USP4: variants seen among roughly 807,000 people sequenced by gnomAD.
The protein encoded by USP4 is ubiquitin carboxyl-terminal hydrolase 4.
USP4 carries 72 observed loss-of-function variants against 118.2 expected under a neutral mutation model. The ratio of observed to expected loss-of-function variants is 0.61; its 90% CI spans 0.50 to 0.74. The LOEUF is 0.74. USP4 is among the 30% of genes least tolerant of loss of function. The pLI, the probability that USP4 is intolerant of heterozygous loss-of-function variation, is 0.00. For synonymous variants in USP4, 415 were observed against 440.4 expected, an observed-to-expected ratio of 0.94 and a Z score of 0.72; for missense variants, 1,037 against 1,185.7, an observed-to-expected ratio of 0.87 and a Z score of 1.84.
Position 49,323,629 on chromosome 3 carries a change from TC to T in USP4, c.695+1072del, listed in dbSNP as rs570771815. Among the ~76,000 whole-genome samples, 615 of 152,270 alleles carry T rather than the reference TC, an allele frequency of 4.0e-3. 5 individuals are homozygous for T. Among genetic ancestry groups the T allele is most frequent in the Middle Eastern group, 0.01 (3 of 294 alleles). On this transcript the variant is annotated intron_variant, in intron 6 of 21. Coordinates refer to ENST00000265560, the MANE Select transcript of USP4 (RefSeq NM_003363.4). ...TTAAACTGGAGTCCATGACTGGACT[TC>T]AGGGGTTCTAACAGTTCTTCTCTTA...
intron 15 of USP4, among the ~76,000 whole-genome samples, chr3:49,290,257 A>C (rs1205963799): frequency 6.6e-6 from 1 of 152,152 alleles, no homozygotes; most frequent in Non-Finnish European, 1.5e-5. Flanking sequence ...TCTACTAAAA[A>C]TACAAAACTA....
chr3:49,286,218 G>C lies in USP4; in HGVS notation c.2080C>G (p.Gln694Glu). ...EPGNDPSETT[Q>E]KKIKGQPCPK... ...CAGGGCTGGCCTTTGATCTTCTTTT[G>C]GGTGGTCTCACTGGGGTCATTTCCT... The change falls in exon 16 of 22, where the codon CAA becomes GAA. Residue 694 changes from glutamine (Q) to glutamate (E), a missense_variant. Transcript: ENST00000265560. 6.2e-7 allele frequency: 1 copy of C among 1,614,062 alleles called. No homozygotes were observed. Among genetic ancestry groups the C allele is most frequent in the Non-Finnish European group, 8.5e-7 (1 of 1,180,028 alleles).
At chr3:49,287,347 G>A (rs2047106374) in intron 15 of USP4, among the ~76,000 whole-genome samples, 1 of 151,858 alleles carries the variant, frequency 6.6e-6, no homozygotes, top group South Asian at 2.1e-4. Context: ...GTAGAGACAA[G>A]GGTTCACCAT....
chr3:49,308,964 G>A (rs1468435335), intron 8 of USP4, among the ~76,000 whole-genome samples: 2 of 151,024 alleles, frequency 1.3e-5, no homozygotes, highest in South Asian at 2.1e-4. Context: ...CCCAGGAGGT[G>A]GAGGTTGCAG....
At chr3:49,307,926 C>T (rs1319374514) in intron 8 of USP4, among the ~76,000 whole-genome samples, 2 of 151,966 alleles carry the variant, frequency 1.3e-5, no homozygotes, top group Non-Finnish European at 2.9e-5. Context: ...TCACTTGAGC[C>T]CAGGAGTTCA....
In USP4 at chr3:49,300,519, C is replaced by T. The variant is rs1343246834; in HGVS notation, c.1460G>A (p.Arg487Gln). 8.7e-6 allele frequency: 14 copies of T among 1,614,034 alleles called. No individual in the cohort carries two copies. The highest frequency in any genetic ancestry group is 2.7e-5 in the African/African-American group (2 of 74,910). ...AGGAACCAGGAAAACCTCCATAACTCGATCTTTCTTCAAGGGCAGTGGCAG... is the reference window on the plus strand; with the variant it reads ...AGGAACCAGGAAAACCTCCATAACTTGATCTTTCTTCAAGGGCAGTGGCAG... ...LTLPLPLKKD[R>Q]VMEVFLVPAD... is the part of the protein sequence containing the mutation. Residue 487 changes from arginine to glutamine, a missense_variant, in exon 11 of 22, where the codon CGA becomes CAA. Physicochemically the swap from Arg to Gln is conservative, Grantham distance 43. Around this residue, in one of 3 missense-constraint regions of USP4, gnomAD observed 522 missense variants for 592.6 expected, o/e 0.88. Transcript: ENST00000265560.
chr3:49,335,338 G>C lies in USP4; in HGVS notation c.229+131C>G, dbSNP rs186141600. On this transcript the variant is annotated intron_variant, in intron 2 of 21. Coordinates refer to ENST00000265560, the MANE Select transcript of USP4 (RefSeq NM_003363.4). ...AGGGTTTGCAAAGACTTCTGCTATAGATGCAAAATGAGGATACTTGTTTCT... is the reference window on the plus strand; with the variant it reads ...AGGGTTTGCAAAGACTTCTGCTATACATGCAAAATGAGGATACTTGTTTCT... 190 of 1,280,836 alleles carry C rather than the reference G, an allele frequency of 1.5e-4. 1 individual carries two copies. In the Middle Eastern group the frequency reaches 2.3e-3, roughly 15 times the overall value. 79.3% of individuals were successfully genotyped at this position (1,280,836 alleles called of 1,614,324 possible). A position where few individuals can be genotyped will look rare whatever the true frequency, so the allele number is the denominator to read the frequency against.
chr3:49,336,962 T>G (rs980780788), intron 1 of USP4, among the ~76,000 whole-genome samples: 1 of 152,154 alleles, frequency 6.6e-6, no homozygotes. Context: ...CACTTCAGTT[T>G]TCCTTTAAGG....
chr3:49,305,732 C>A lies in USP4; in HGVS notation c.1111G>T (p.Ala371Ser). 6.2e-7 allele frequency: 1 copy of A among 1,609,726 alleles called. No individual in the cohort carries two copies. The highest frequency in any genetic ancestry group is 8.5e-7 in the Non-Finnish European group (1 of 1,178,022). The change falls in exon 9 of 22, where the codon GCA (alanine) becomes TCA (serine). Residue 371 changes from alanine to serine, a missense_variant. Around this residue, in one of 3 missense-constraint regions of USP4, gnomAD observed 487 missense variants for 534.1 expected, o/e 0.91. Coordinates refer to ENST00000265560, the MANE Select transcript of USP4 (RefSeq NM_003363.4). ...CTACCTACTTTGAACATGCGAGGTG[C>A]CACATGGGCGTCCCTTCCAGACCAC... ...QMWSGRDAHV[A>S]PRMFKTQVGR...
At chr3:49,336,790 G>A (rs901319997) in intron 1 of USP4, among the ~76,000 whole-genome samples, 1 of 151,990 alleles carries the variant, frequency 6.6e-6, no homozygotes, top group Non-Finnish European at 1.5e-5. Flanking sequence ...CCAAAGTGCT[G>A]TGATTACAGG....
At chr3:49,283,495 TAC>T (rs774667938) in intron 19 of USP4, among the ~76,000 whole-genome samples, 10 of 152,076 alleles carry the variant, frequency 6.6e-5, no homozygotes, top group Non-Finnish European at 1.0e-4. Context: ...TGTTCTTAGT[TAC>T]AGTCTGTACT....
At chr3:49,288,780 G>A (rs2047124467) in intron 15 of USP4, among the ~76,000 whole-genome samples, 1 of 152,132 alleles carries the variant, frequency 6.6e-6, no homozygotes, top group Non-Finnish European at 1.5e-5. Context: ...GCAGTCACAG[G>A]CCTAACAAGG....
chr3:49,284,674 T>G (rs556139602), intron 17 of USP4, 90 bp from the exon 18 acceptor site: 1 of 1,272,048 alleles, frequency 7.9e-7, no homozygotes, highest in African/African-American at 1.5e-5. Flanking sequence ...CCACCTGGAA[T>G]GTAGTACACT....
intron 8 of USP4, among the ~76,000 whole-genome samples, chr3:49,310,358 C>T (rs2047371156): frequency 1.3e-5 from 2 of 152,188 alleles, no homozygotes; most frequent in Non-Finnish European, 2.9e-5. Context: ...CTAGAGAGAT[C>T]ATACCTCAAC....
Position 49,331,969 on chromosome 3 carries a change from C to CAA in USP4, c.229+3498_229+3499dup, listed in dbSNP as rs35594824. Among the ~76,000 whole-genome samples, 147 of 105,848 alleles carry CAA rather than the reference C, an allele frequency of 1.4e-3. 1 individual carries two copies. The highest frequency in any genetic ancestry group is 3.4e-3 in the African/African-American group (97 of 28,946). The allele number at this position is 105,848 out of a possible 152,430, so 69.4% of individuals were successfully genotyped here. ...GCAACACGGCAAAATCCCATCTCTA[C>CAA]AAAAAAAAAAAAAAAATACAAAGCT... On this transcript the variant is annotated intron_variant, in intron 2 of 21. Transcript: ENST00000265560.
chr3:49,317,542 G>GTT (rs71077785), intron 6 of USP4: 79 of 513,706 alleles, frequency 1.5e-4, no homozygotes, highest in Admixed American at 2.7e-4. Context: ...TTGTTTGTTT[G>GTT]TTTTTTTTTT....
At chr3:49,289,564 G>A (rs1360187390) in intron 15 of USP4, among the ~76,000 whole-genome samples, 1 of 152,104 alleles carries the variant, frequency 6.6e-6, no homozygotes, top group Non-Finnish European at 1.5e-5. Flanking sequence ...AACATTTCGG[G>A]CAAGAATAAG....
At position 49,289,082 on chromosome 3, in the gene USP4, G is replaced by A. The variant is rs139268095; in HGVS notation, c.1973-2757C>T. 3.4e-3 allele frequency among the ~76,000 whole-genome samples: 522 copies of A among 152,304 alleles called. 2 individuals carry two copies. Among genetic ancestry groups the A allele is most frequent in the African/African-American group, 0.012 (509 of 41,554 alleles). ...GCTGAGATTGTGCCACTGCACTCCA[G>A]CCTGGGCGACAGAGCAAAAGAAAAC... On this transcript the variant is annotated intron_variant, in intron 15 of 21. Transcript: ENST00000265560.
intron 10 of USP4, 123 bp from the exon 11 acceptor site, chr3:49,300,814 TC>T: frequency 1.2e-6 from 1 of 851,986 alleles, no homozygotes; most frequent in Non-Finnish European, 1.8e-6. Flanking sequence ...AAGAGCTTGA[TC>T]CAGGACAAAC....
Sources: gnomAD v4.1 joint callset for allele counts (sites outside exome capture counted in the v4.1 genomes callset) on GRCh38, gnomAD v4.1.1 for gene constraint, gnomAD v4.1.1 regional missense constraint, MANE v1.5 for transcripts, NCBI Gene and HGNC (gene_info 2026-07-23, HGNC 2026-07-21) for gene names.